The following EDA variants were observed in gnomAD, a reference collection of about 807,000 sequenced individuals.
EDA encodes the protein ectodysplasin A.
Under a neutral mutation model 23.6 loss-of-function variants are expected in EDA, and 2 were observed. That is an observed-to-expected ratio of 0.08 (90% CI 0.03 to 0.27). EDA has a LOEUF of 0.27. Ranked by LOEUF, EDA falls within the 10% of genes least tolerant of loss-of-function variation. The pLI, the probability that EDA is intolerant of heterozygous loss-of-function variation, is 1.00. For missense variants in EDA, 229 were observed against 324.2 expected (o/e 0.71, Z 2.26); for synonymous variants, 131 against 132.0 (o/e 0.99, Z 0.05).
chrX:69,869,670 C>T (rs1425321551), intron 1 of EDA, among the ~76,000 whole-genome samples: 1 of 111,173 alleles, frequency 9.0e-6, no homozygotes, highest in Non-Finnish European at 1.9e-5. Context: ...ATCAATTTCA[C>T]TCCTAGGAAC....
At chrX:69,744,049 G>A (rs1380840139) in intron 1 of EDA, among the ~76,000 whole-genome samples, 2 of 111,613 alleles carry the variant, frequency 1.8e-5, no homozygotes, top group Middle Eastern at 4.6e-3. Context: ...GCCTCCTGTT[G>A]ACTTGGATAT....
chrX:69,815,353 C>T (rs1257260355), intron 1 of EDA, among the ~76,000 whole-genome samples: 1 of 109,336 alleles, frequency 9.1e-6, no homozygotes, highest in East Asian at 2.9e-4. Context: ...GGTGGGACAT[C>T]CCTGCAGGAG....
At chrX:69,701,849 G>T (rs888011319) in intron 1 of EDA, among the ~76,000 whole-genome samples, 3 of 111,484 alleles carry the variant, frequency 2.7e-5, no homozygotes, top group Non-Finnish European at 3.8e-5. Context: ...CAGCATCCAA[G>T]GGCTTCATCT....
intron 1 of EDA, among the ~76,000 whole-genome samples, chrX:69,675,278 G>C (rs1414777539): frequency 8.9e-6 from 1 of 112,182 alleles, no homozygotes. Context: ...TCCATGCCTG[G>C]TTTCTCTATA....
intron 1 of EDA, among the ~76,000 whole-genome samples, chrX:69,751,142 G>T (rs964365064): frequency 3.7e-5 from 4 of 108,858 alleles, no homozygotes; most frequent in Non-Finnish European, 5.8e-5. Context: ...TTCTTCTAGG[G>T]GTTTTATGGT....
At chrX:69,974,024 A>AATATATAT (rs746330034) in intron 2 of EDA, among the ~76,000 whole-genome samples, 1 of 107,171 alleles carries the variant, frequency 9.3e-6, no homozygotes, top group African/African-American at 3.4e-5. Context: ...ACTAACTTTA[A>AATATATAT]ATATATATAT....
At chrX:69,931,348 A>G (rs2018595483) in intron 1 of EDA, among the ~76,000 whole-genome samples, 1 of 111,961 alleles carries the variant, frequency 8.9e-6, no homozygotes, top group African/African-American at 3.2e-5. Context: ...GATCTTTTAA[A>G]AAATCAATAA....
chrX:69,740,709 A>G (rs2013432818), intron 1 of EDA, among the ~76,000 whole-genome samples: 1 of 110,122 alleles, frequency 9.1e-6, no homozygotes, highest in Admixed American at 9.6e-5. Flanking sequence ...ATGTTTTTTA[A>G]CATTATTTTT....
chrX:69,653,697 G>A (rs1357650589), intron 1 of EDA, among the ~76,000 whole-genome samples: 9 of 111,406 alleles, frequency 8.1e-5, no homozygotes, highest in African/African-American at 2.9e-4. Flanking sequence ...CAAGCAATGG[G>A]GAAAGGATTC....
At chrX:69,768,314 T>C (rs1167902796) in intron 1 of EDA, among the ~76,000 whole-genome samples, 2 of 112,207 alleles carry the variant, frequency 1.8e-5, no homozygotes, top group African/African-American at 3.2e-5. Flanking sequence ...CAAAAAGTTT[T>C]ATAATTTTAG....
intron 1 of EDA, among the ~76,000 whole-genome samples, chrX:69,725,186 C>G (rs977035820): frequency 9.0e-6 from 1 of 111,699 alleles, no homozygotes; most frequent in Non-Finnish European, 1.9e-5. Context: ...ACTGCCTTGA[C>G]AAAAACTTTT....
chrX:69,705,757 A>C (rs1223285755), intron 1 of EDA, among the ~76,000 whole-genome samples: 2 of 112,113 alleles, frequency 1.8e-5, no homozygotes, highest in Non-Finnish European at 3.8e-5. Context: ...ATCAGTGTCC[A>C]TTTTAGTCAT....
At chrX:69,701,230 C>G (rs915734849) in intron 1 of EDA, among the ~76,000 whole-genome samples, 1 of 111,488 alleles carries the variant, frequency 9.0e-6, no homozygotes, top group Non-Finnish European at 1.9e-5. Context: ...AGTGGCAAGG[C>G]TGATGAGATC....
At chrX:69,798,639 A>G (rs1472375047) in intron 1 of EDA, among the ~76,000 whole-genome samples, 1 of 111,240 alleles carries the variant, frequency 9.0e-6, no homozygotes, top group Non-Finnish European at 1.9e-5. Context: ...AACACAATAT[A>G]CCAAAACCTG....
chrX:70,014,160 A>G (rs756817966), intron 2 of EDA, among the ~76,000 whole-genome samples: 2 of 112,056 alleles, frequency 1.8e-5, no homozygotes, highest in East Asian at 5.7e-4. Flanking sequence ...TACAGCCAGC[A>G]CTCATGTAGG....
intron 1 of EDA, among the ~76,000 whole-genome samples, chrX:69,696,592 A>G (rs1307044759): frequency 8.9e-6 from 1 of 111,913 alleles, no homozygotes; most frequent in Non-Finnish European, 1.9e-5. Flanking sequence ...TTACTCACGT[A>G]CAACGGTTGT....
intron 1 of EDA, among the ~76,000 whole-genome samples, chrX:69,805,889 T>C (rs189461101): frequency 1.4e-4 from 16 of 111,960 alleles, no homozygotes; most frequent in Non-Finnish European, 7.5e-5. Context: ...AGATCCAGTA[T>C]ACAAGATTTT....
intron 1 of EDA, among the ~76,000 whole-genome samples, chrX:69,714,852 G>C (rs1447277650): frequency 2.7e-5 from 3 of 109,978 alleles, no homozygotes; most frequent in Non-Finnish European, 3.8e-5. Flanking sequence ...TCTTTTCCAG[G>C]GTTGTTCTAC....
At position 69,923,054 on chromosome X, in the gene EDA, TC is replaced by T. The variant is rs758564427; in HGVS notation, c.397-33972del. On this transcript the variant is annotated intron_variant, in intron 1 of 7. Coordinates refer to ENST00000374552, the MANE Select transcript of EDA (RefSeq NM_001399.5). Reference sequence around the variant, plus strand: ...AGAATATATATGCAGCATGACTTTTTCTTGCTTTAGGACCAGATAACCAGAG... The same window carrying T: ...AGAATATATATGCAGCATGACTTTTTTTGCTTTAGGACCAGATAACCAGAG... Among the ~76,000 whole-genome samples, 3 of 111,875 alleles carry T rather than the reference TC, an allele frequency of 2.7e-5. No homozygotes were observed. In the South Asian group the frequency reaches 1.1e-3, roughly 42 times the overall value.
Sources: allele counts gnomAD v4.1 joint callset (sites outside exome capture counted in the v4.1 genomes callset), GRCh38; gene constraint gnomAD v4.1.1; transcripts MANE v1.5; gene names NCBI Gene and HGNC (gene_info 2026-07-23, HGNC 2026-07-21).